Variants in GNL3L observed in about 807,000 individuals in gnomAD.
The protein encoded by GNL3L is guanine nucleotide-binding protein-like 3-like protein.
A neutral mutation model predicts 42.9 loss-of-function variants in GNL3L; 4 were observed. That is an observed-to-expected ratio of 0.09 (90% CI 0.05 to 0.21). The LOEUF (loss-of-function observed/expected upper bound fraction) is 0.21. Ranked by LOEUF, GNL3L falls within the 10% of genes least tolerant of loss-of-function variation. GNL3L has a pLI of 1.00. For missense variants in GNL3L, 412 were observed against 481.7 expected (o/e 0.86, Z 1.36); for synonymous variants, 159 against 176.3 (o/e 0.90, Z 0.78).
chrX:54,629,661 C>T, the GNL3L span, among the ~76,000 whole-genome samples: 1 of 111,551 alleles, frequency 9.0e-6, no homozygotes, highest in Non-Finnish European at 1.9e-5. Context: ...ATTTGGTTAG[C>T]TAGTATTTTG....
At chrX:54,602,024 T>G (rs775595733) in intron 16 of GNL3L, among the ~76,000 whole-genome samples, 25 of 111,844 alleles carry the variant, frequency 2.2e-4, no homozygotes, top group African/African-American at 7.5e-4. Context: ...TTTTGATGAT[T>G]ATGAATGGAC....
Position 54,565,953 on chromosome X carries a change from T to C in GNL3L, c.*5351T>C, listed in dbSNP as rs1322978872. ...CTCATGCCTCAGCCTCCTGAGTAGC[T>C]GGAATTACAGGCGCAGGCCACCATG... On this transcript the variant is annotated 3_prime_UTR_variant, in exon 16 of 16. Transcript: ENST00000360845. Among the ~76,000 whole-genome samples the C allele has an allele frequency of 1.9e-5, 2 of 107,810 alleles. No individual in the cohort carries two copies. Among genetic ancestry groups the C allele is most frequent in the Non-Finnish European group, 3.8e-5 (2 of 52,320 alleles). 93.6% of individuals were successfully genotyped at this position (107,810 alleles called of 115,157 possible).
downstream of GNL3L, among the ~76,000 whole-genome samples, chrX:54,622,134 G>A (rs187651811): frequency 2.2e-4 from 24 of 110,472 alleles, no homozygotes; most frequent in African/African-American, 7.9e-4. Context: ...ATTTGGTTTG[G>A]ATTTGCATTT....
chrX:54,559,235 A>C (rs1925189005), intron 15 of GNL3L, among the ~76,000 whole-genome samples: 2 of 111,642 alleles, frequency 1.8e-5, no homozygotes, highest in African/African-American at 6.5e-5. Context: ...TCACACTGGG[A>C]GAACCACTGG....
At chrX:54,637,467 A>G in the GNL3L span, among the ~76,000 whole-genome samples, 1 of 111,745 alleles carries the variant, frequency 8.9e-6, no homozygotes, top group South Asian at 3.6e-4. Flanking sequence ...ATGTGTGCAC[A>G]CATGTGCATG....
chrX:54,605,998 T>C (rs1454159557), intron 16 of GNL3L, among the ~76,000 whole-genome samples: 3 of 111,881 alleles, frequency 2.7e-5, no homozygotes, highest in Non-Finnish European at 5.6e-5. Flanking sequence ...AATTGGTTCT[T>C]GAAAGTACAT....
downstream of GNL3L, among the ~76,000 whole-genome samples, chrX:54,568,061 C>T (rs947456140): frequency 8.4e-5 from 9 of 107,196 alleles, no homozygotes; most frequent in African/African-American, 1.4e-4. Context: ...CTCTGCCTCC[C>T]GGGTTCAAGT....
downstream of GNL3L, among the ~76,000 whole-genome samples, chrX:54,624,369 C>A (rs189327189): frequency 1.5e-3 from 170 of 110,602 alleles, 1 homozygote; most frequent in Non-Finnish European, 2.5e-3. Flanking sequence ...TTTATTTTCT[C>A]ACAATTCTTG....
chrX:54,572,694 C>A (rs1394180436), intron 16 of GNL3L, among the ~76,000 whole-genome samples: 7 of 110,037 alleles, frequency 6.4e-5, no homozygotes, highest in African/African-American at 9.9e-5. Context: ...TGACCCCCCC[C>A]ACCTCCCTCC....
At chrX:54,606,697 G>A (rs2147530114) in intron 16 of GNL3L, among the ~76,000 whole-genome samples, 1 of 105,692 alleles carries the variant, frequency 9.5e-6, no homozygotes, top group Admixed American at 1.0e-4. Flanking sequence ...ATGGAATGTA[G>A]TGGTGCGCTC....
chrX:54,589,078 G>A (rs1046655873), intron 16 of GNL3L, among the ~76,000 whole-genome samples: 1 of 111,045 alleles, frequency 9.0e-6, no homozygotes, highest in Non-Finnish European at 1.9e-5. Flanking sequence ...TACATGAGAT[G>A]TTTTGATACA....
chrX:54,567,013 A>T lies in GNL3L; in HGVS notation c.*6411A>T, dbSNP rs1232961709. Among the ~76,000 whole-genome samples the T allele has an allele frequency of 8.9e-6, 1 of 112,046 alleles. No individual in the cohort carries two copies. The highest frequency in any genetic ancestry group is 1.9e-5 in the Non-Finnish European group (1 of 53,223). On this transcript the variant is annotated 3_prime_UTR_variant, in exon 16 of 16. Coordinates refer to ENST00000360845, the MANE Select transcript of GNL3L (RefSeq NM_001184819.2). ...AGGAGTCTTTGCTTAACATGAGATG[A>T]CAAAGGTTTTCTCCCATGTTTCCTC...
Position 54,552,312 on chromosome X carries a change from TACC to T in GNL3L, c.1210_1212del (p.Pro404del). ...TGCAGCGGGAAGATCAGCTTCTATA[TACC>T]ACCACCAGCCACTCACACTCTGCCC... On this transcript the variant is annotated inframe_deletion, in exon 13 of 16. Transcript: ENST00000360845. 1 of 1,207,995 alleles carries T rather than the reference TACC, an allele frequency of 8.3e-7. No individual in the cohort carries two copies. The highest frequency in any genetic ancestry group is 1.1e-6 in the Non-Finnish European group (1 of 892,109).
At chrX:54,612,284 C>T (rs935983121) in intron 16 of GNL3L, among the ~76,000 whole-genome samples, 9 of 111,300 alleles carry the variant, frequency 8.1e-5, no homozygotes, top group African/African-American at 2.9e-4. Context: ...ATGCCTTTTC[C>T]CACCCCTTTA....
intron 9 of GNL3L, among the ~76,000 whole-genome samples, chrX:54,550,327 C>A (rs1165998259): frequency 9.1e-6 from 1 of 109,830 alleles, no homozygotes; most frequent in Non-Finnish European, 1.9e-5. Flanking sequence ...GCTTCATGCA[C>A]GAGAGGTATA....
intron 8 of GNL3L, among the ~76,000 whole-genome samples, chrX:54,546,255 G>A (rs1225411988): frequency 8.9e-6 from 1 of 112,312 alleles, no homozygotes; most frequent in Non-Finnish European, 1.9e-5. Context: ...TCATTCTGTG[G>A]CTTAGTTTTT....
chrX:54,607,016 CT>C, intron 16 of GNL3L, among the ~76,000 whole-genome samples: 2 of 54,574 alleles, frequency 3.7e-5, no homozygotes, highest in South Asian at 1.9e-3. Context: ...TTCTTTCTTT[CT>C]TTCTTTCTTT....
intron 16 of GNL3L, among the ~76,000 whole-genome samples, chrX:54,582,272 C>T (rs969850914): frequency 9.0e-6 from 1 of 111,495 alleles, no homozygotes; most frequent in Admixed American, 9.6e-5. Flanking sequence ...ATGCTGGCTC[C>T]CTTTTGCCTC....
Position 54,562,139 on chromosome X carries a change from G to A in GNL3L, c.*1537G>A, listed in dbSNP as rs186711273. On this transcript the variant is annotated 3_prime_UTR_variant, in exon 16 of 16. Coordinates refer to ENST00000360845, the MANE Select transcript of GNL3L (RefSeq NM_001184819.2). ...CGGCTCACTGCAACCTCTGCCTCCC[G>A]GGTTCAAGTGATCCTCCTGCCTTAG... Among the ~76,000 whole-genome samples the A allele has an allele frequency of 3.7e-3, 413 of 111,758 alleles. 2 individuals are homozygous for A. Among genetic ancestry groups the A allele is most frequent in the African/African-American group, 0.013 (385 of 30,765 alleles).
Sources: gnomAD v4.1 joint callset for allele counts (sites outside exome capture counted in the v4.1 genomes callset) on GRCh38, gnomAD v4.1.1 for gene constraint, MANE v1.5 for transcripts, NCBI Gene and HGNC (gene_info 2026-07-23, HGNC 2026-07-21) for gene names.